Variants in MMP26 observed in about 807,000 individuals in gnomAD.
MMP26 encodes the protein matrix metalloproteinase-26.
In MMP26, 33 loss-of-function variants were observed where a neutral mutation model predicts 31.0. The observed-to-expected ratio is 1.06, with a 90% CI of 0.81 to 1.42. MMP26 has a LOEUF of 1.42. Among genes scored for constraint, MMP26 ranks in the 40% most tolerant of loss-of-function variants. The probability of loss-of-function intolerance (pLI) is 0.00; values close to 1 mark genes in which losing one functional copy is unlikely to be tolerated. For missense variants in MMP26, 347 were observed against 316.1 expected, an observed-to-expected ratio of 1.10 and a Z score of -0.74; for synonymous variants, 122 against 114.9, an observed-to-expected ratio of 1.06 and a Z score of -0.40.
chr11:4,775,357 G>A (rs1848777537), intron 2 of MMP26, among the ~76,000 whole-genome samples: 1 of 152,036 alleles, frequency 6.6e-6, no homozygotes, highest in South Asian at 2.1e-4. Context: ...CTTGTTAATT[G>A]TATTCCTAGA....
intron 2 of MMP26, among the ~76,000 whole-genome samples, chr11:4,838,152 C>T (rs1333562879): frequency 6.7e-6 from 1 of 149,992 alleles, no homozygotes; most frequent in African/African-American, 2.4e-5. Context: ...CCTGTCTCTA[C>T]TAAAAATACA....
At chr11:4,848,607 C>A in intron 2 of MMP26, 1 of 1,607,308 alleles carries the variant, frequency 6.2e-7, no homozygotes, top group Non-Finnish European at 8.5e-7. Flanking sequence ...GGCTGCACCC[C>A]AAGCTTCTGG....
At chr11:4,874,574 G>T (rs1265584322) in intron 2 of MMP26, among the ~76,000 whole-genome samples, 1 of 151,712 alleles carries the variant, frequency 6.6e-6, no homozygotes, top group Non-Finnish European at 1.5e-5. Context: ...TGGTGTGTGT[G>T]TGTGTGTGTG....
At chr11:4,925,649 T>G (rs1360111301) in intron 2 of MMP26, among the ~76,000 whole-genome samples, 1 of 152,078 alleles carries the variant, frequency 6.6e-6, no homozygotes, top group African/African-American at 2.4e-5. Flanking sequence ...AACTGATAAC[T>G]TTTAAATGAG....
chr11:4,882,938 C>A (rs1360880410), intron 2 of MMP26: 10 of 1,397,238 alleles, frequency 7.2e-6, no homozygotes, highest in African/African-American at 1.4e-5. Flanking sequence ...GGACTTGGGG[C>A]AGTCTTATCC....
chr11:4,825,335 CAGA>C (rs375591191), intron 2 of MMP26, among the ~76,000 whole-genome samples: 12 of 152,104 alleles, frequency 7.9e-5, no homozygotes, highest in African/African-American at 2.9e-4. Context: ...GACTTTATCA[CAGA>C]AGATCTGTCA....
intron 2 of MMP26, among the ~76,000 whole-genome samples, chr11:4,862,329 C>A (rs1467863040): frequency 6.6e-6 from 1 of 152,166 alleles, no homozygotes; most frequent in Non-Finnish European, 1.5e-5. Flanking sequence ...TGGTTCATCA[C>A]CTCATTGAGC....
chr11:4,747,259 G>A (rs188583573), intron 1 of MMP26, among the ~76,000 whole-genome samples: 1 of 152,332 alleles, frequency 6.6e-6, no homozygotes, highest in East Asian at 1.9e-4. Context: ...CTGGGAAAGT[G>A]TTGAACAGAA....
intron 2 of MMP26, chr11:4,822,581 G>A: frequency 2.4e-6 from 1 of 418,592 alleles, no homozygotes; most frequent in South Asian, 1.2e-4. Flanking sequence ...ATGAAGTGAA[G>A]AAACATATAT....
chr11:4,821,840 A>G, intron 2 of MMP26: 2 of 1,613,452 alleles, frequency 1.2e-6, no homozygotes, highest in Non-Finnish European at 1.7e-6. Flanking sequence ...ATCCTTACCA[A>G]TGCCCGAATT....
chr11:4,858,388 C>A (rs1234303072), intron 2 of MMP26, among the ~76,000 whole-genome samples: 2 of 152,146 alleles, frequency 1.3e-5, no homozygotes, highest in South Asian at 2.1e-4. Flanking sequence ...TCTCAGGATA[C>A]AAAATCAATG....
chr11:4,785,465 A>G (rs1279556479), intron 2 of MMP26, among the ~76,000 whole-genome samples: 2 of 152,272 alleles, frequency 1.3e-5, no homozygotes, highest in East Asian at 3.9e-4. Context: ...GCTACAAGGT[A>G]ACTCAGTAGA....
chr11:4,829,315 C>G (rs1196056180), intron 2 of MMP26, among the ~76,000 whole-genome samples: 1 of 152,132 alleles, frequency 6.6e-6, no homozygotes, highest in Non-Finnish European at 1.5e-5. Context: ...TAACTGATTA[C>G]TACAGCCCCC....
chr11:4,717,936 T>C (rs553151977), intron 1 of MMP26, among the ~76,000 whole-genome samples: 11 of 152,364 alleles, frequency 7.2e-5, no homozygotes, highest in African/African-American at 2.4e-4. Context: ...ACTTTCATAC[T>C]GGAGGCCCCA....
intron 2 of MMP26, among the ~76,000 whole-genome samples, chr11:4,858,519 T>A (rs898630082): frequency 6.5e-4 from 99 of 152,242 alleles, no homozygotes; most frequent in Non-Finnish European, 1.2e-3. Flanking sequence ...TTACAAGGGA[T>A]GTGAAGGACC....
At chr11:4,852,740 C>T (rs1385898580) in intron 2 of MMP26, among the ~76,000 whole-genome samples, 1 of 151,992 alleles carries the variant, frequency 6.6e-6, no homozygotes, top group Non-Finnish European at 1.5e-5. Context: ...GAAAGAAAGC[C>T]ATGATCTCAA....
chr11:4,803,831 G>A (rs1474097120), intron 2 of MMP26: 2 of 1,612,984 alleles, frequency 1.2e-6, no homozygotes, highest in South Asian at 1.1e-5. Context: ...ACAGCCATGT[G>A]CTCACAGTAT....
At chr11:4,895,732 T>C (rs1850689956) in intron 2 of MMP26, among the ~76,000 whole-genome samples, 1 of 152,196 alleles carries the variant, frequency 6.6e-6, no homozygotes, top group Admixed American at 6.5e-5. Flanking sequence ...GAGATCAGCC[T>C]GGGCAACATA....
chr11:4,876,577 T>A (rs142467026), intron 2 of MMP26: 74 of 152,390 alleles, frequency 4.9e-4, no homozygotes, highest in African/African-American at 1.7e-3. Flanking sequence ...TCAACCAAAC[T>A]ACTGAGAACC....
Sources: allele counts gnomAD v4.1 joint callset (sites outside exome capture counted in the v4.1 genomes callset), GRCh38; gene constraint gnomAD v4.1.1; transcripts MANE v1.5; gene names NCBI Gene and HGNC (gene_info 2026-07-23, HGNC 2026-07-21).